ELP4: variants seen among roughly 807,000 people sequenced by gnomAD.
ELP4 encodes elongator complex protein 4.
A neutral mutation model predicts 48.9 loss-of-function variants in ELP4; 51 were observed. That is an observed-to-expected ratio of 1.04 (90% CI 0.83 to 1.32). The LOEUF (loss-of-function observed/expected upper bound fraction) is 1.32. Among genes scored for constraint, ELP4 ranks in the 40% most tolerant of loss-of-function variants. The probability of loss-of-function intolerance (pLI) is 0.00; values close to 1 mark genes in which losing one functional copy is unlikely to be tolerated. For missense variants in ELP4, 519 were observed against 514.6 expected (o/e 1.01, Z -0.08); for synonymous variants, 210 against 189.2 (o/e 1.11, Z -0.90).
chr11:31,547,712 T>A (rs1565046664), intron 3 of ELP4, among the ~76,000 whole-genome samples: 2 of 152,074 alleles, frequency 1.3e-5, no homozygotes, highest in South Asian at 2.1e-4. Context: ...AATATCCTTG[T>A]TGAACATTCA....
chr11:31,632,560 A>AT lies in ELP4; in HGVS notation c.927+162dup, dbSNP rs1256710620. The stretch of plus-strand genomic sequence containing the variant: ...GTCTTCTTTTGTCTGTCTTTTGTCC[A>AT]TTTTTTTATTGATAGTCTCATTATC... On this transcript the variant is annotated intron_variant, in intron 7 of 9. Transcript: ENST00000640961. 1.7e-4 allele frequency: 85 copies of AT among 515,064 alleles called. No homozygotes were observed. In the East Asian group the frequency reaches 2.3e-3, roughly 14 times the overall value. 31.9% of individuals were successfully genotyped at this position (515,064 alleles called of 1,614,324 possible).
intron 9 of ELP4, among the ~76,000 whole-genome samples, chr11:31,738,117 C>A (rs1018772779): frequency 1.3e-5 from 2 of 150,834 alleles, no homozygotes; most frequent in Non-Finnish European, 2.9e-5. Context: ...GAAATCCAGC[C>A]AGGCACGGTG....
At chr11:31,744,062 C>G (rs1449900898) in intron 9 of ELP4, among the ~76,000 whole-genome samples, 1 of 152,102 alleles carries the variant, frequency 6.6e-6, no homozygotes. Flanking sequence ...AAGGGGATAT[C>G]ACCACCGATC....
chr11:31,693,276 T>G (rs898764526), intron 9 of ELP4, among the ~76,000 whole-genome samples: 3 of 152,146 alleles, frequency 2.0e-5, no homozygotes, highest in African/African-American at 4.8e-5. Context: ...GTCATTTACA[T>G]TAGGTATATC....
At chr11:31,545,536 T>A (rs1184858517) in intron 3 of ELP4, among the ~76,000 whole-genome samples, 1 of 152,034 alleles carries the variant, frequency 6.6e-6, no homozygotes, top group East Asian at 1.9e-4. Context: ...ATGGGGAGAA[T>A]GGAACCAAGT....
chr11:31,585,950 T>G (rs1036018817), intron 3 of ELP4, among the ~76,000 whole-genome samples: 5 of 152,178 alleles, frequency 3.3e-5, no homozygotes, highest in African/African-American at 1.2e-4. Context: ...CCAGGATTGG[T>G]GGCATGTGCC....
chr11:31,677,755 C>T (rs562988734), intron 9 of ELP4, among the ~76,000 whole-genome samples: 2 of 152,272 alleles, frequency 1.3e-5, no homozygotes, highest in South Asian at 4.1e-4. Context: ...ATAGAGTTCT[C>T]ATATACCCAT....
chr11:31,512,420 A>T (rs2133866475), intron 1 of ELP4: 1 of 152,338 alleles, frequency 6.6e-6, no homozygotes, highest in East Asian at 1.9e-4. Context: ...TACACTGATA[A>T]TTCCATTACT....
intron 3 of ELP4, among the ~76,000 whole-genome samples, chr11:31,575,991 C>A (rs550823585): frequency 1.1e-4 from 16 of 152,114 alleles, no homozygotes; most frequent in Non-Finnish European, 1.9e-4. Flanking sequence ...AAGACACAGA[C>A]TGGAAAATTG....
chr11:31,601,655 G>A (rs959573206), intron 4 of ELP4, among the ~76,000 whole-genome samples: 1 of 152,066 alleles, frequency 6.6e-6, no homozygotes, highest in African/African-American at 2.4e-5. Context: ...ATATTTCTCT[G>A]AGTGCATAGG....
At chr11:31,685,508 G>A (rs1946142344) in intron 9 of ELP4, among the ~76,000 whole-genome samples, 1 of 152,160 alleles carries the variant, frequency 6.6e-6, no homozygotes, top group South Asian at 2.1e-4. Context: ...ATTACTTCAA[G>A]AAGAGTGTAG....
intron 2 of ELP4, among the ~76,000 whole-genome samples, chr11:31,531,305 T>C: frequency 1.3e-5 from 2 of 152,346 alleles, no homozygotes; most frequent in South Asian, 4.1e-4. Context: ...TAATTAATTC[T>C]ACAAATATTA....
chr11:31,563,678 T>C (rs913452281), intron 3 of ELP4, among the ~76,000 whole-genome samples: 4 of 152,176 alleles, frequency 2.6e-5, no homozygotes, highest in Non-Finnish European at 5.9e-5. Flanking sequence ...TTCATTTGGC[T>C]AAAAGAGAAA....
rs567720234 is a variant in ELP4, at chr11:31,786,188, G to A, written c.*2664G>A. 5.4e-5 allele frequency: 11 copies of A among 203,942 alleles called. No individual in the cohort carries two copies. In the East Asian group the frequency reaches 8.2e-4, roughly 15 times the overall value. The allele number at this position is 203,942 out of a possible 1,614,324, so 12.6% of individuals were successfully genotyped here. ...CAAAATAAAACTACTTTAGAAGGAA[G>A]CGACACTCTGCAATCAATTCCCTGT... On this transcript the variant is annotated 3_prime_UTR_variant, in exon 10 of 10. Coordinates refer to ENST00000640961, the MANE Select transcript of ELP4 (RefSeq NM_019040.5).
In ELP4 at chr11:31,554,769, T is replaced by C. The variant is rs371308783; in HGVS notation, c.381+14986T>C. 2.3e-3 allele frequency among the ~76,000 whole-genome samples: 348 copies of C among 152,312 alleles called. 3 individuals carry two copies. The highest frequency in any genetic ancestry group is 3.2e-3 in the Non-Finnish European group (220 of 68,008). On this transcript the variant is annotated intron_variant, in intron 3 of 9. Coordinates refer to ENST00000640961, the MANE Select transcript of ELP4 (RefSeq NM_019040.5). ...AGCCCATCACAACTACCCACTCTGC[T>C]GTCTCTAGTTTTGAACTAAGGAATG...
At chr11:31,547,264 G>A (rs1956746178) in intron 3 of ELP4, among the ~76,000 whole-genome samples, 1 of 151,986 alleles carries the variant, frequency 6.6e-6, no homozygotes, top group African/African-American at 2.4e-5. Context: ...AAAAAAGAGA[G>A]AAGAATCAAA....
At chr11:31,517,180 C>T (rs74732358) in intron 1 of ELP4, among the ~76,000 whole-genome samples, 4,034 of 151,898 alleles carry the variant, frequency 0.027, 167 homozygotes, top group African/African-American at 0.092. Flanking sequence ...TAAACACTAT[C>T]AAAGGAACTT....
Position 31,509,951 on chromosome 11 carries a change from T to C in ELP4, c.167T>C (p.Val56Ala). 6.2e-7 allele frequency: 1 copy of C among 1,613,252 alleles called. No homozygotes were observed. ...LVSIAGTRPS[V>A]RNGQLLVSTG... is the part of the protein sequence containing the mutation. Reference sequence around the variant, plus strand: ...TCCATTGCGGGCACGCGACCGTCGGTGCGGAATGGACAGCTGCTGGTATCA... The same window carrying C: ...TCCATTGCGGGCACGCGACCGTCGGCGCGGAATGGACAGCTGCTGGTATCA... Residue 56 changes from valine (V) to alanine (A), a missense_variant, in exon 1 of 10, where the codon GTG becomes GCG. Transcript: ENST00000640961.
intron 3 of ELP4, among the ~76,000 whole-genome samples, chr11:31,593,490 C>G (rs762335873): frequency 3.3e-5 from 5 of 152,196 alleles, no homozygotes; most frequent in East Asian, 1.9e-4. Flanking sequence ...GTGATCCCCC[C>G]CTACCTTGGC....
Sources: gnomAD v4.1 joint callset for allele counts (sites outside exome capture counted in the v4.1 genomes callset) on GRCh38, gnomAD v4.1.1 for gene constraint, MANE v1.5 for transcripts, NCBI Gene and HGNC (gene_info 2026-07-23, HGNC 2026-07-21) for gene names.